The following SULT1B1 variants were observed in gnomAD, a reference collection of about 807,000 sequenced individuals.
SULT1B1 encodes sulfotransferase family 1B member 1.
A neutral mutation model predicts 34.6 loss-of-function variants in SULT1B1; 28 were observed. That is an observed-to-expected ratio of 0.81 (90% CI 0.60 to 1.11). The LOEUF is 1.11. Ranked by LOEUF, SULT1B1 falls within the 50% of genes least tolerant of loss-of-function variation. SULT1B1 has a pLI of 0.00. For missense variants in SULT1B1, 374 were observed against 352.2 expected, an observed-to-expected ratio of 1.06 and a Z score of -0.50; for synonymous variants, 147 against 110.2, an observed-to-expected ratio of 1.33 and a Z score of -2.09.
chr4:69,746,942 C>T (rs1718771119), intron 4 of SULT1B1, among the ~76,000 whole-genome samples: 1 of 152,034 alleles, frequency 6.6e-6, no homozygotes, highest in South Asian at 2.1e-4. Context: ...GATTGTTTTC[C>T]TTTTTGGATG....
intron 3 of SULT1B1, among the ~76,000 whole-genome samples, chr4:69,752,624 C>G (rs1387758487): frequency 6.6e-6 from 1 of 151,968 alleles, no homozygotes; most frequent in Admixed American, 6.6e-5. Context: ...ATTTTTTAAA[C>G]AAAACAAAAC....
intron 3 of SULT1B1, among the ~76,000 whole-genome samples, chr4:69,750,438 A>T (rs1437510470): frequency 1.3e-5 from 2 of 152,180 alleles, no homozygotes; most frequent in Non-Finnish European, 2.9e-5. Flanking sequence ...CTTGATTTCA[A>T]ATTAAGGTCT....
intron 4 of SULT1B1, among the ~76,000 whole-genome samples, chr4:69,744,642 T>A (rs1331716646): frequency 1.3e-5 from 2 of 152,298 alleles, no homozygotes; most frequent in South Asian, 4.1e-4. Context: ...ATCTAGCTAG[T>A]GGTATATCTT....
intron 4 of SULT1B1, among the ~76,000 whole-genome samples, chr4:69,747,228 G>A (rs1000972352): frequency 5.9e-5 from 9 of 152,300 alleles, no homozygotes; most frequent in Non-Finnish European, 7.4e-5. Context: ...GAGCAGTCAC[G>A]GGCAAACACT....
intron 4 of SULT1B1, among the ~76,000 whole-genome samples, 178 bp from the exon 5 acceptor site, chr4:69,734,442 A>C (rs956910137): frequency 6.6e-6 from 1 of 152,238 alleles, no homozygotes; most frequent in African/African-American, 2.4e-5. Context: ...TTTTCAATAC[A>C]GCAATGCATT....
chr4:69,729,687 T>C (rs1011847172), intron 7 of SULT1B1, among the ~76,000 whole-genome samples: 2 of 152,092 alleles, frequency 1.3e-5, no homozygotes, highest in African/African-American at 4.8e-5. Flanking sequence ...CGGTTTTGTT[T>C]CATCTGTTAA....
Position 69,724,858 on chromosome 4 carries a change from AC to A in SULT1B1, c.*2229del, listed in dbSNP as rs1717757338. The A allele has an allele frequency of 6.6e-6, 1 of 152,210 alleles. No individual in the cohort carries two copies. The highest frequency in any genetic ancestry group is 1.5e-5 in the Non-Finnish European group (1 of 68,044). The allele number at this position is 152,210 out of a possible 1,614,324, so 9.4% of individuals were successfully genotyped here. A position where few individuals can be genotyped will look rare whatever the true frequency, so the allele number is the denominator to read the frequency against. Reference sequence around the variant, plus strand: ...CCTGGATCCCTTCCTTACACCTTATACAAAAATTAATTCAAGATGGATTAAA... The same window carrying A: ...CCTGGATCCCTTCCTTACACCTTATAAAAAATTAATTCAAGATGGATTAAA... On this transcript the variant is annotated 3_prime_UTR_variant, in exon 8 of 8. Coordinates refer to ENST00000310613, the MANE Select transcript of SULT1B1 (RefSeq NM_014465.4).
intron 4 of SULT1B1, among the ~76,000 whole-genome samples, chr4:69,736,089 C>A (rs1042022153): frequency 6.6e-6 from 1 of 152,178 alleles, no homozygotes; most frequent in Non-Finnish European, 1.5e-5. Context: ...GAACTCAGTG[C>A]TGCCCTGTCA....
At chr4:69,754,199 G>A (rs1039062245) in intron 3 of SULT1B1, among the ~76,000 whole-genome samples, 1 of 152,080 alleles carries the variant, frequency 6.6e-6, no homozygotes, top group Non-Finnish European at 1.5e-5. Flanking sequence ...TAAGCTCCCT[G>A]TGATACAATA....
chr4:69,754,114 A>T (rs926144048), intron 3 of SULT1B1, among the ~76,000 whole-genome samples: 3 of 151,866 alleles, frequency 2.0e-5, no homozygotes, highest in African/African-American at 7.3e-5. Context: ...CTTCCACAGA[A>T]CCCTATTATT....
chr4:69,751,299 T>C (rs1718970658), intron 3 of SULT1B1, among the ~76,000 whole-genome samples: 1 of 152,240 alleles, frequency 6.6e-6, no homozygotes, highest in South Asian at 2.1e-4. Flanking sequence ...TTGTTCCTTG[T>C]TCCGCATTCA....
In SULT1B1 at chr4:69,733,412, C is replaced by G. The variant is rs776688860; in HGVS notation, c.597+1G>C. On this transcript the variant is annotated splice_donor_variant, in intron 6 of 7. Transcript: ENST00000310613. LOFTEE classifies it high-confidence loss of function. Reference sequence around the variant, plus strand: ...TCCAGAATCCATATCTACCATTTTACCTCTTTCATATCTTCATAGTACAAA... The same window carrying G: ...TCCAGAATCCATATCTACCATTTTAGCTCTTTCATATCTTCATAGTACAAA... 2 of 1,581,264 alleles carry G rather than the reference C, an allele frequency of 1.3e-6. No homozygotes were observed. The highest frequency in any genetic ancestry group is 1.8e-5 in the Admixed American group (1 of 55,220).
At position 69,726,030 on chromosome 4, in the gene SULT1B1, GTACATATATATATATATATATA is replaced by G. The variant is rs1717822983; in HGVS notation, c.*1036_*1057del. ...GGAACTTAAAGTATAATAATAAAAT[GTACATATATATATATATATATA>G]TATATATATATATATATATATATAT... On this transcript the variant is annotated 3_prime_UTR_variant, in exon 8 of 8. Transcript: ENST00000310613. 1 of 42,066 alleles carries G rather than the reference GTACATATATATATATATATATA, an allele frequency of 2.4e-5. No individual in the cohort carries two copies. Among genetic ancestry groups the G allele is most frequent in the Non-Finnish European group, 4.9e-5 (1 of 20,284 alleles). 2.6% of individuals were successfully genotyped at this position (42,066 alleles called of 1,614,324 possible).
intron 1 of SULT1B1, among the ~76,000 whole-genome samples, chr4:69,756,004 T>C (rs1441652797): frequency 2.0e-5 from 3 of 152,194 alleles, no homozygotes; most frequent in African/African-American, 7.2e-5. Flanking sequence ...TCATTTGGGA[T>C]ATTCTCTATT....
rs1717689307 is a variant in SULT1B1, at chr4:69,722,567, A to G, written c.*4521T>C. On this transcript the variant is annotated 3_prime_UTR_variant, in exon 8 of 8. Coordinates refer to ENST00000310613, the MANE Select transcript of SULT1B1 (RefSeq NM_014465.4). Reference sequence around the variant, plus strand: ...TAAAATATGTTTCTGTGGAACATAAACACAAATTATATACTCTAAAATACT... The same window carrying G: ...TAAAATATGTTTCTGTGGAACATAAGCACAAATTATATACTCTAAAATACT... 1 of 152,178 alleles carries G rather than the reference A, an allele frequency of 6.6e-6. No individual in the cohort carries two copies. Among genetic ancestry groups the G allele is most frequent in the South Asian group, 2.1e-4 (1 of 4,836 alleles). The allele number at this position is 152,178 out of a possible 1,614,324, so 9.4% of individuals were successfully genotyped here. A position where few individuals can be genotyped will look rare whatever the true frequency, so the allele number is the denominator to read the frequency against.
chr4:69,754,556 T>C, intron 3 of SULT1B1, 114 bp downstream of exon 3: 1 of 1,048,748 alleles, frequency 9.5e-7, no homozygotes, highest in Non-Finnish European at 1.4e-6. Context: ...GTTTGCCACC[T>C]TCCATTTTAT....
intron 5 of SULT1B1, 106 bp from the exon 6 acceptor site, chr4:69,733,613 G>T: frequency 2.5e-6 from 2 of 808,024 alleles, no homozygotes; most frequent in Non-Finnish European, 1.9e-6. Flanking sequence ...GTAACCAAAG[G>T]AAGTAAGAAT....
At position 69,724,267 on chromosome 4, in the gene SULT1B1, C is replaced by A. The variant is rs560660313; in HGVS notation, c.*2821G>T. On this transcript the variant is annotated 3_prime_UTR_variant, in exon 8 of 8. Coordinates refer to ENST00000310613, the MANE Select transcript of SULT1B1 (RefSeq NM_014465.4). Reference sequence around the variant, plus strand: ...GCCAAATCAGGAGTGAACTCCCATTCACAATTGCTTCAAAGAGAATAAAAT... The same window carrying A: ...GCCAAATCAGGAGTGAACTCCCATTAACAATTGCTTCAAAGAGAATAAAAT... The A allele has an allele frequency of 2.6e-5, 4 of 152,312 alleles. No individual in the cohort carries two copies. Among genetic ancestry groups the A allele is most frequent in the African/African-American group, 9.6e-5 (4 of 41,558 alleles). 9.4% of individuals were successfully genotyped at this position (152,312 alleles called of 1,614,324 possible). A position where few individuals can be genotyped will look rare whatever the true frequency, so the allele number is the denominator to read the frequency against.
chr4:69,751,597 G>A (rs185869863), intron 3 of SULT1B1, among the ~76,000 whole-genome samples: 1 of 152,082 alleles, frequency 6.6e-6, no homozygotes, highest in East Asian at 1.9e-4. Context: ...GACTACCGGC[G>A]CCCGCCACCA....
Sources: allele counts gnomAD v4.1 joint callset (sites outside exome capture counted in the v4.1 genomes callset), GRCh38; gene constraint gnomAD v4.1.1; transcripts MANE v1.5; gene names NCBI Gene and HGNC (gene_info 2026-07-23, HGNC 2026-07-21).